The following FRAS1 variants were observed in gnomAD, a reference collection of about 807,000 sequenced individuals.
FRAS1 encodes the protein extracellular matrix organizing protein FRAS1.
FRAS1 carries 290 observed loss-of-function variants against 435.2 expected under a neutral mutation model. The observed-to-expected ratio is 0.67, with a 90% confidence interval of 0.61 to 0.73. The LOEUF is 0.73. Among genes scored for constraint, FRAS1 ranks in the 30% least tolerant of loss-of-function variants. The probability of loss-of-function intolerance (pLI) is 0.00; values close to 1 mark genes in which losing one functional copy is unlikely to be tolerated. For missense variants in FRAS1, 4,860 were observed against 5,001.5 expected, an observed-to-expected ratio of 0.97 and a Z score of 0.85; for synonymous variants, 1,800 against 1,851.0, an observed-to-expected ratio of 0.97 and a Z score of 0.71.
At chr4:78,171,081 A>C (rs1721532241) in intron 2 of FRAS1, among the ~76,000 whole-genome samples, 2 of 151,942 alleles carry the variant, frequency 1.3e-5, no homozygotes, top group Non-Finnish European at 2.9e-5. Context: ...GGCCTTCCTT[A>C]CCTATGAGGT....
At chr4:78,125,822 G>T (rs1719313349) in intron 2 of FRAS1, among the ~76,000 whole-genome samples, 1 of 152,196 alleles carries the variant, frequency 6.6e-6, no homozygotes, top group Non-Finnish European at 1.5e-5. Context: ...TCCCAGTCAG[G>T]CTACACGGTG....
intron 2 of FRAS1, among the ~76,000 whole-genome samples, chr4:78,152,595 T>G: frequency 6.7e-6 from 1 of 149,102 alleles, no homozygotes; most frequent in East Asian, 2.0e-4. Context: ...GTTCTTCATT[T>G]CATGTAGGCT....
chr4:78,265,780 C>A (rs1291453411), intron 7 of FRAS1, among the ~76,000 whole-genome samples: 1 of 152,180 alleles, frequency 6.6e-6, no homozygotes, highest in Non-Finnish European at 1.5e-5. Context: ...TCAATTACTT[C>A]CCTTACTCGC....
chr4:78,152,733 C>T (rs1720721355), intron 2 of FRAS1, among the ~76,000 whole-genome samples: 1 of 150,796 alleles, frequency 6.6e-6, no homozygotes, highest in Admixed American at 6.7e-5. Flanking sequence ...TGACTGATTC[C>T]CCAGACACTT....
intron 70 of FRAS1, among the ~76,000 whole-genome samples, chr4:78,527,453 T>C (rs1476158248): frequency 1.3e-5 from 2 of 152,246 alleles, no homozygotes; most frequent in Non-Finnish European, 2.9e-5. Flanking sequence ...AGGCAGTTTA[T>C]AGTCTAGGGT....
chr4:78,373,068 A>G lies in FRAS1; in HGVS notation c.3010+210A>G, dbSNP rs113920432. ...AGACATTTGCTAAAATTTGAGGGCA[A>G]TATGGGAATCTTGGGCATATAGGAC... On this transcript the variant is annotated intron_variant, in intron 24 of 73. Transcript: ENST00000512123. Among the ~76,000 whole-genome samples, 139 of 152,284 alleles carry G rather than the reference A, an allele frequency of 9.1e-4. 2 individuals are homozygous for G. The highest frequency in any genetic ancestry group is 3.4e-3 in the Middle Eastern group (1 of 294).
chr4:78,193,963 C>G (rs1483196860), intron 2 of FRAS1, among the ~76,000 whole-genome samples: 1 of 152,156 alleles, frequency 6.6e-6, no homozygotes, highest in African/African-American at 2.4e-5. Flanking sequence ...TTAGGGCAGG[C>G]CTGGTGGTGA....
chr4:78,307,932 C>T lies in FRAS1; in HGVS notation c.1535-134C>T, dbSNP rs571994477. On this transcript the variant is annotated intron_variant, in intron 14 of 73. Transcript: ENST00000512123. ...GGTGTTGTGTTTGTCCTGAGGTGTA[C>T]ATGTGTCAATAGCAGTTTAGGAACT... is the stretch of plus-strand genomic sequence containing the variant. The T allele has an allele frequency of 1.7e-5, 14 of 818,694 alleles. No homozygotes were observed. In the South Asian group the frequency reaches 2.7e-4, roughly 16 times the overall value. 50.7% of individuals were successfully genotyped at this position (818,694 alleles called of 1,614,324 possible).
At chr4:78,317,171 T>C (rs1486247758) in intron 16 of FRAS1, among the ~76,000 whole-genome samples, 197 bp from the exon 17 acceptor site, 1 of 152,228 alleles carries the variant, frequency 6.6e-6, no homozygotes, top group African/African-American at 2.4e-5. Flanking sequence ...AAGCAATATG[T>C]AGAGCATGGC....
intron 14 of FRAS1, among the ~76,000 whole-genome samples, chr4:78,288,823 A>G (rs558714455): frequency 3.9e-5 from 6 of 152,298 alleles, no homozygotes; most frequent in Admixed American, 1.3e-4. Context: ...AATTTTTTGC[A>G]ATATTCATGC....
intron 48 of FRAS1, 46 bp downstream of exon 48, chr4:78,464,191 G>T (rs367965912): frequency 1.9e-6 from 3 of 1,575,662 alleles, no homozygotes; most frequent in Admixed American, 1.8e-5. Flanking sequence ...TTGATTCCTC[G>T]CCATCTTCTT....
At chr4:78,252,617 C>T in intron 5 of FRAS1, 66 bp downstream of exon 5, 1 of 1,419,102 alleles carries the variant, frequency 7.0e-7, no homozygotes, top group South Asian at 1.3e-5. Context: ...TCGGGGGAAC[C>T]AGCCCTCAAT....
At chr4:78,440,424 C>T (rs1734615691) in intron 40 of FRAS1, among the ~76,000 whole-genome samples, 1 of 152,112 alleles carries the variant, frequency 6.6e-6, no homozygotes, top group Admixed American at 6.5e-5. Context: ...GTCCCCATTC[C>T]CAGAGTCAGA....
rs372622491 is a variant in FRAS1, at chr4:78,448,226, G to A, written c.6184G>A (p.Val2062Met). 1.8e-5 allele frequency: 28 copies of A among 1,562,872 alleles called. No individual in the cohort carries two copies. The highest frequency in any genetic ancestry group is 2.4e-5 in the East Asian group (1 of 42,186). The change falls in exon 44 of 74, where the codon GTG becomes ATG. Residue 2062 changes from valine to methionine, a missense_variant. Transcript: ENST00000512123. ...FQFSLTDGLH[V>M]DTGRMKIYTE... ...GTTCTCCCTCACTGATGGCCTCCAC[G>A]TGGACACAGGGAGGATGAAGATCTA...
intron 2 of FRAS1, among the ~76,000 whole-genome samples, chr4:78,213,322 T>A (rs1428479045): frequency 6.6e-6 from 1 of 152,256 alleles, no homozygotes; most frequent in Non-Finnish European, 1.5e-5. Flanking sequence ...AACATATTTC[T>A]CCTCCTTCTG....
At chr4:78,321,838 C>CAAAA (rs35661816) in intron 18 of FRAS1, among the ~76,000 whole-genome samples, 121 of 106,262 alleles carry the variant, frequency 1.1e-3, no homozygotes, top group African/African-American at 3.6e-3. Flanking sequence ...AAAACTTCGT[C>CAAAA]AAAAAAAAAA....
intron 63 of FRAS1, among the ~76,000 whole-genome samples, chr4:78,509,741 C>T (rs1394626548): frequency 6.6e-6 from 1 of 152,222 alleles, no homozygotes; most frequent in African/African-American, 2.4e-5. Context: ...GCACATCATA[C>T]TGATAAAGCT....
At chr4:78,068,721 G>A (rs1740182666) in intron 2 of FRAS1, 1 of 381,936 alleles carries the variant, frequency 2.6e-6, no homozygotes, top group Non-Finnish European at 5.1e-6. Context: ...GTCAAATTAA[G>A]TGTAGGAAAA....
intron 2 of FRAS1, chr4:78,181,070 G>A: frequency 1.3e-6 from 2 of 1,568,142 alleles, no homozygotes. Flanking sequence ...GGAAATGATG[G>A]TCCATAACTG....
Sources: gnomAD v4.1 joint callset for allele counts (sites outside exome capture counted in the v4.1 genomes callset) on GRCh38, gnomAD v4.1.1 for gene constraint, MANE v1.5 for transcripts, NCBI Gene and HGNC (gene_info 2026-07-23, HGNC 2026-07-21) for gene names.